Variants in UST observed in about 807,000 individuals in gnomAD.
UST encodes uronyl 2-sulfotransferase.
A neutral mutation model predicts 45.6 loss-of-function variants in UST; 21 were observed. The observed-to-expected ratio is 0.46, with a 90% confidence interval of 0.33 to 0.66. The LOEUF (loss-of-function observed/expected upper bound fraction) is 0.66. UST is among the 30% of genes least tolerant of loss of function. The probability of loss-of-function intolerance (pLI) is 0.02; values close to 1 mark genes in which losing one functional copy is unlikely to be tolerated. For missense variants in UST, 463 were observed against 512.4 expected (o/e 0.90, Z 0.93); for synonymous variants, 215 against 200.6 (o/e 1.07, Z -0.61).
At chr6:148,822,125 C>T (rs185385512) in intron 1 of UST, among the ~76,000 whole-genome samples, 79 of 152,218 alleles carry the variant, frequency 5.2e-4, no homozygotes, top group African/African-American at 1.8e-3. Flanking sequence ...GCTGTGTTTG[C>T]ACATTGCTAC....
At chr6:148,920,731 T>C (rs1193022902) in intron 2 of UST, among the ~76,000 whole-genome samples, 1 of 152,192 alleles carries the variant, frequency 6.6e-6, no homozygotes, top group Non-Finnish European at 1.5e-5. Context: ...GATTCCACCA[T>C]GTTGCCCAGG....
Position 149,073,864 on chromosome 6 carries a change from G to A in UST, c.969G>A (p.Thr323=), listed in dbSNP as rs759024450. The change falls in exon 8 of 8, where the codon ACG becomes ACA. Residue 323 remains threonine (T), a synonymous_variant. Transcript: ENST00000367463. ...GGAAGCTTGGAAACATGACTGTGAC[G>A]GTGAAGAAGACTGTCCCCTCTCCTG... ...EHRKLGNMTV[T]VKKTVPSPEA... is the part of the protein sequence containing the mutation. 51 of 1,613,840 alleles carry A rather than the reference G, an allele frequency of 3.2e-5. No individual in the cohort carries two copies. The highest frequency in any genetic ancestry group is 1.9e-4 in the South Asian group (17 of 91,064).
intron 5 of UST, among the ~76,000 whole-genome samples, chr6:149,003,852 T>C (rs903360585): frequency 6.6e-6 from 1 of 152,186 alleles, no homozygotes; most frequent in Admixed American, 6.5e-5. Flanking sequence ...CTGTGTGCCT[T>C]CCTGAGGGCC....
chr6:148,978,099 G>T (rs1027225829), intron 5 of UST, among the ~76,000 whole-genome samples: 1 of 152,064 alleles, frequency 6.6e-6, no homozygotes, highest in African/African-American at 2.4e-5. Flanking sequence ...AGTCACCTTA[G>T]TAAGTGAATT....
chr6:148,801,872 C>T (rs1389102109), intron 1 of UST, among the ~76,000 whole-genome samples: 1 of 152,110 alleles, frequency 6.6e-6, no homozygotes, highest in African/African-American at 2.4e-5. Context: ...CTCTGTCTGT[C>T]AGGTCAAATA....
At chr6:149,015,136 TG>T (rs1775877854) in intron 5 of UST, among the ~76,000 whole-genome samples, 1 of 151,982 alleles carries the variant, frequency 6.6e-6, no homozygotes, top group Non-Finnish European at 1.5e-5. Flanking sequence ...ACTCAAAAGA[TG>T]AGAGTCACCC....
Position 149,074,214 on chromosome 6 carries a change from C to A in UST, c.*98C>A. The A allele has an allele frequency of 7.4e-7, 1 of 1,348,926 alleles. No homozygotes were observed. The highest frequency in any genetic ancestry group is 1.0e-6 in the Non-Finnish European group (1 of 982,422). The allele number at this position is 1,348,926 out of a possible 1,614,324, so 83.6% of individuals were successfully genotyped here. A position where few individuals can be genotyped will look rare whatever the true frequency, so the allele number is the denominator to read the frequency against. ...AAGGGACTAAATTAATGCTTGGGTG[C>A]ATTAAAAAGAACAAAACATTCCCAC... On this transcript the variant is annotated 3_prime_UTR_variant, in exon 8 of 8. Coordinates refer to ENST00000367463, the MANE Select transcript of UST (RefSeq NM_005715.3).
intron 4 of UST, among the ~76,000 whole-genome samples, chr6:148,957,078 G>A (rs1423564486): frequency 1.3e-5 from 2 of 152,184 alleles, no homozygotes; most frequent in East Asian, 3.9e-4. Flanking sequence ...TGCAACCCAG[G>A]ATGGACATGA....
At chr6:148,759,995 G>C (rs1228204926) in intron 1 of UST, among the ~76,000 whole-genome samples, 1 of 152,098 alleles carries the variant, frequency 6.6e-6, no homozygotes, top group Non-Finnish European at 1.5e-5. Context: ...AGAGACAAGA[G>C]GTCATATAAT....
intron 1 of UST, among the ~76,000 whole-genome samples, chr6:148,806,797 C>T (rs1582823946): frequency 6.6e-6 from 1 of 152,116 alleles, no homozygotes; most frequent in Non-Finnish European, 1.5e-5. Flanking sequence ...CATCACATGG[C>T]GAGGATGCAA....
chr6:149,074,319 G>A lies in UST; in HGVS notation c.*203G>A, dbSNP rs1009148796. ...ATTCTGTGTTTTCTCTTGGCTCTTT[G>A]GGTCTTTCCCGGGTACACTAGATGG... is the stretch of plus-strand genomic sequence containing the variant. On this transcript the variant is annotated 3_prime_UTR_variant, in exon 8 of 8. Transcript: ENST00000367463. 26 of 623,224 alleles carry A rather than the reference G, an allele frequency of 4.2e-5. No individual in the cohort carries two copies. The East Asian group carries it at 7.4e-4, about 18-fold the overall frequency. The allele number at this position is 623,224 out of a possible 1,614,324, so 38.6% of individuals were successfully genotyped here.
intron 3 of UST, among the ~76,000 whole-genome samples, chr6:148,944,893 A>T (rs1195890975): frequency 3.3e-5 from 5 of 151,986 alleles, no homozygotes; most frequent in East Asian, 1.9e-4. Flanking sequence ...AAAATAGGGA[A>T]TTTTTTTCCC....
At chr6:148,937,431 T>C (rs1034695850) in intron 2 of UST, among the ~76,000 whole-genome samples, 3 of 152,214 alleles carry the variant, frequency 2.0e-5, no homozygotes, top group Admixed American at 1.3e-4. Context: ...TTCAAACTAT[T>C]AGTTGGAAGC....
intron 7 of UST, among the ~76,000 whole-genome samples, chr6:149,037,988 G>C (rs1776260935): frequency 6.6e-6 from 1 of 152,128 alleles, no homozygotes; most frequent in African/African-American, 2.4e-5. Context: ...TGGCCTTCTT[G>C]GCTTCAAAGC....
rs150324028 is a variant in UST, at chr6:148,950,609, C to T, written c.448-3263C>T. Among the ~76,000 whole-genome samples the T allele has an allele frequency of 6.9e-3, 1,051 of 152,222 alleles. 11 individuals are homozygous for T. The highest frequency in any genetic ancestry group is 0.024 in the Middle Eastern group (7 of 294). ...CTGAACTCCTGCAGTTCCTTGGTGC[C>T]GTATCATTTTATGTTCTGCCTTTTG... On this transcript the variant is annotated intron_variant, in intron 3 of 7. Coordinates refer to ENST00000367463, the MANE Select transcript of UST (RefSeq NM_005715.3).
intron 1 of UST, among the ~76,000 whole-genome samples, chr6:148,756,890 A>T (rs1363366638): frequency 6.6e-6 from 1 of 152,176 alleles, no homozygotes; most frequent in Admixed American, 6.5e-5. Flanking sequence ...CTATTTAGAG[A>T]ATATGGGGAG....
chr6:148,877,568 C>CG (rs1431564489), intron 1 of UST, among the ~76,000 whole-genome samples: 365 of 76,392 alleles, frequency 4.8e-3, no homozygotes, highest in Middle Eastern at 0.012. Context: ...TGTATGAGTG[C>CG]AGGGGTCGTG....
chr6:149,027,779 A>C (rs1208307555), intron 7 of UST: 1 of 151,008 alleles, frequency 6.6e-6, no homozygotes, highest in Non-Finnish European at 1.5e-5. Context: ...ACACACACAC[A>C]CCTGTGGAGA....
intron 5 of UST, among the ~76,000 whole-genome samples, chr6:148,992,283 T>C (rs1003225524): frequency 6.6e-6 from 1 of 152,092 alleles, no homozygotes; most frequent in African/African-American, 2.4e-5. Flanking sequence ...GGCGGGCAGA[T>C]CACGAGGTCA....
Sources: allele counts gnomAD v4.1 joint callset (sites outside exome capture counted in the v4.1 genomes callset), GRCh38; gene constraint gnomAD v4.1.1; transcripts MANE v1.5; gene names NCBI Gene and HGNC (gene_info 2026-07-23, HGNC 2026-07-21).